Variants in KCNIP4 observed in about 807,000 individuals in gnomAD.
The protein encoded by KCNIP4 is potassium voltage-gated channel interacting protein 4, also known as Kv channel-interacting protein 4.
KCNIP4 carries 12 observed loss-of-function variants against 34.0 expected under a neutral mutation model. The ratio of observed to expected loss-of-function variants is 0.35; its 90% CI spans 0.23 to 0.57. The LOEUF (loss-of-function observed/expected upper bound fraction) is 0.57. KCNIP4 is among the 20% of genes least tolerant of loss of function. The probability of loss-of-function intolerance (pLI) is 0.83; values close to 1 mark genes in which losing one functional copy is unlikely to be tolerated. For synonymous variants in KCNIP4, 124 were observed against 102.2 expected (o/e 1.21, Z -1.29); for missense variants, 238 against 311.7 (o/e 0.76, Z 1.78).
At chr4:21,321,357 G>A (rs906231857) in intron 1 of KCNIP4, among the ~76,000 whole-genome samples, 1 of 152,128 alleles carries the variant, frequency 6.6e-6, no homozygotes, top group African/African-American at 2.4e-5. Context: ...TATGAGGCTA[G>A]ATTAAAGGAG....
At chr4:21,667,351 T>C (rs1357949514) in intron 1 of KCNIP4, among the ~76,000 whole-genome samples, 3 of 152,216 alleles carry the variant, frequency 2.0e-5, no homozygotes, top group Non-Finnish European at 4.4e-5. Context: ...AACCATGTAC[T>C]GAAAATCTCT....
intron 3 of KCNIP4, among the ~76,000 whole-genome samples, chr4:20,790,510 A>G (rs185716471): frequency 2.6e-5 from 4 of 152,292 alleles, no homozygotes; most frequent in Non-Finnish European, 1.5e-5. Context: ...ACAGTTGTAC[A>G]AAAATATTTT....
intron 1 of KCNIP4, among the ~76,000 whole-genome samples, chr4:21,069,986 C>T (rs932889574): frequency 2.2e-4 from 34 of 152,144 alleles, no homozygotes; most frequent in Non-Finnish European, 1.5e-4. Flanking sequence ...TTTACAATCA[C>T]GTACCCAAAC....
intron 1 of KCNIP4, among the ~76,000 whole-genome samples, chr4:21,149,268 T>C (rs764818679): frequency 6.6e-6 from 1 of 152,230 alleles, no homozygotes; most frequent in African/African-American, 2.4e-5. Context: ...TTTGTTAAAA[T>C]ACTCCTATGT....
chr4:20,788,985 C>T (rs548153671), intron 3 of KCNIP4, among the ~76,000 whole-genome samples: 19 of 152,168 alleles, frequency 1.2e-4, no homozygotes, highest in African/African-American at 4.3e-4. Flanking sequence ...CAGTCCTTCT[C>T]AAAGAATCCA....
At chr4:21,287,842 C>CA (rs1393403898) in intron 1 of KCNIP4, among the ~76,000 whole-genome samples, 1 of 151,032 alleles carries the variant, frequency 6.6e-6, no homozygotes, top group African/African-American at 2.4e-5. Context: ...ATTGAGAAAT[C>CA]AAAAAAATAT....
At chr4:21,905,338 G>A (rs565812173) in intron 1 of KCNIP4, among the ~76,000 whole-genome samples, 31 of 152,090 alleles carry the variant, frequency 2.0e-4, no homozygotes, top group African/African-American at 7.5e-4. Context: ...ACTCTGCATT[G>A]AGTTATGCCA....
intron 1 of KCNIP4, among the ~76,000 whole-genome samples, chr4:21,226,094 G>A (rs1278252343): frequency 6.6e-5 from 10 of 151,666 alleles, no homozygotes; most frequent in Non-Finnish European, 1.5e-4. Context: ...TTGCCTCACT[G>A]TAGAGATGAA....
At chr4:21,880,152 A>T (rs541199961) in intron 1 of KCNIP4, among the ~76,000 whole-genome samples, 1 of 152,194 alleles carries the variant, frequency 6.6e-6, no homozygotes, top group Admixed American at 6.6e-5. Context: ...TTAAGGAGAT[A>T]TGGCATGGGG....
At chr4:20,802,267 T>TACATATGTTAC (rs1714416188) in intron 3 of KCNIP4, among the ~76,000 whole-genome samples, 1 of 75,220 alleles carries the variant, frequency 1.3e-5, no homozygotes, top group African/African-American at 4.1e-5. Flanking sequence ...ATATATGCTA[T>TACATATGTTAC]ATATATGCTA....
intron 1 of KCNIP4, among the ~76,000 whole-genome samples, chr4:21,256,864 T>A (rs530816086): frequency 6.6e-6 from 1 of 152,318 alleles, no homozygotes; most frequent in Admixed American, 6.5e-5. Context: ...ATTGGGCTGA[T>A]GGCTGTGGAA....
intron 1 of KCNIP4, among the ~76,000 whole-genome samples, chr4:21,224,578 GTTTTTTTTTT>G (rs765906146): frequency 1.1e-4 from 5 of 44,880 alleles, no homozygotes; most frequent in South Asian, 9.6e-4. Context: ...TTTTTCAACT[GTTTTTTTTTT>G]TTTTTTTTTT....
intron 1 of KCNIP4, chr4:20,983,857 A>T: frequency 6.5e-7 from 1 of 1,536,438 alleles, no homozygotes; most frequent in African/African-American, 1.4e-5. Context: ...GAAGCTTCAG[A>T]GATGCACATA....
intron 1 of KCNIP4, among the ~76,000 whole-genome samples, chr4:21,070,334 T>C (rs910102637): frequency 6.6e-6 from 1 of 152,170 alleles, no homozygotes; most frequent in Non-Finnish European, 1.5e-5. Flanking sequence ...TTCATTTCTC[T>C]GGGATAAATG....
chr4:20,901,246 C>T (rs919153893), intron 1 of KCNIP4, among the ~76,000 whole-genome samples: 2 of 152,174 alleles, frequency 1.3e-5, no homozygotes, highest in East Asian at 1.9e-4. Context: ...AAAGCTCAAT[C>T]GCGTTTAGTT....
At chr4:20,940,058 G>T (rs1219605580) in intron 1 of KCNIP4, among the ~76,000 whole-genome samples, 1 of 152,146 alleles carries the variant, frequency 6.6e-6, no homozygotes, top group Non-Finnish European at 1.5e-5. Context: ...TGTACTTTAT[G>T]TAGATCTCTC....
chr4:21,627,713 T>C (rs142329774), intron 1 of KCNIP4, among the ~76,000 whole-genome samples: 305 of 152,302 alleles, frequency 2.0e-3, no homozygotes, highest in African/African-American at 7.0e-3. Context: ...ACTTAAGGCC[T>C]CCTGGATGTT....
intron 1 of KCNIP4, among the ~76,000 whole-genome samples, chr4:21,324,803 T>G (rs922596979): frequency 6.6e-6 from 1 of 151,950 alleles, no homozygotes; most frequent in Non-Finnish European, 1.5e-5. Flanking sequence ...AGACTGCCAT[T>G]GGTTATTTTG....
chr4:21,195,013 G>A (rs989828005), intron 1 of KCNIP4, among the ~76,000 whole-genome samples: 4 of 152,166 alleles, frequency 2.6e-5, no homozygotes, highest in Non-Finnish European at 4.4e-5. Context: ...TTAGATCTCA[G>A]CTCAAGTGTG....
Sources: allele counts gnomAD v4.1 joint callset (sites outside exome capture counted in the v4.1 genomes callset), GRCh38; gene constraint gnomAD v4.1.1; transcripts MANE v1.5; gene names NCBI Gene and HGNC (gene_info 2026-07-23, HGNC 2026-07-21).